Variants in ATG5 observed in about 807,000 individuals in gnomAD.
ATG5 encodes autophagy protein 5.
ATG5 carries 14 observed loss-of-function variants against 36.5 expected under a neutral mutation model. The ratio of observed to expected loss-of-function variants is 0.38; its 90% confidence interval spans 0.25 to 0.60. ATG5 has a LOEUF of 0.60. Among genes scored for constraint, ATG5 ranks in the 20% least tolerant of loss-of-function variants. The pLI, the probability that ATG5 is intolerant of heterozygous loss-of-function variation, is 0.60. For missense variants in ATG5, 195 were observed against 326.7 expected (o/e 0.60, Z 3.11); for synonymous variants, 95 against 101.5 (o/e 0.94, Z 0.38).
At position 106,267,231 on chromosome 6, in the gene ATG5, C is replaced by T. The variant is rs539925382; in HGVS notation, c.478+12430G>A. ...AGCAGAGAGTCAAATCATGAGTGAA[C>T]TCCCATTCACAATTGCTACAAAGAC... On this transcript the variant is annotated intron_variant, in intron 5 of 7. Transcript: ENST00000369076. 2.3e-3 allele frequency among the ~76,000 whole-genome samples: 343 copies of T among 152,278 alleles called. 2 individuals carry two copies. Among genetic ancestry groups the T allele is most frequent in the Non-Finnish European group, 2.9e-3 (194 of 68,024 alleles).
intron 5 of ATG5, among the ~76,000 whole-genome samples, chr6:106,256,895 CTT>C (rs1778822494): frequency 6.6e-6 from 1 of 152,126 alleles, no homozygotes; most frequent in Non-Finnish European, 1.5e-5. Flanking sequence ...TAAAAATTAA[CTT>C]AAGCTTACTA....
intron 1 of ATG5, among the ~76,000 whole-genome samples, chr6:106,321,654 G>A (rs1771079218): frequency 6.6e-6 from 1 of 152,168 alleles, no homozygotes; most frequent in African/African-American, 2.4e-5. Context: ...CACCGCGCCT[G>A]GCCAACTCTT....
intron 6 of ATG5, among the ~76,000 whole-genome samples, chr6:106,244,276 G>A (rs1056666522): frequency 6.6e-6 from 1 of 152,098 alleles, no homozygotes; most frequent in African/African-American, 2.4e-5. Flanking sequence ...GTAGAACAAA[G>A]TAGATGACTG....
intron 3 of ATG5, among the ~76,000 whole-genome samples, chr6:106,293,916 A>G (rs1334749975): frequency 1.3e-5 from 2 of 152,030 alleles, no homozygotes; most frequent in Non-Finnish European, 2.9e-5. Flanking sequence ...ATACAGGTTG[A>G]GTATCCCATT....
intron 3 of ATG5, among the ~76,000 whole-genome samples, chr6:106,298,965 T>C (rs969220058): frequency 4.6e-5 from 7 of 152,204 alleles, no homozygotes; most frequent in Non-Finnish European, 1.0e-4. Context: ...AGATATTATA[T>C]ACAGTTTTGT....
chr6:106,234,336 T>TC (rs932103236), intron 6 of ATG5, among the ~76,000 whole-genome samples: 7 of 152,042 alleles, frequency 4.6e-5, no homozygotes, highest in Non-Finnish European at 1.0e-4. Flanking sequence ...TGGATGTGCC[T>TC]CCCCCTGTAT....
chr6:106,265,153 C>A (rs1311496232), intron 5 of ATG5, among the ~76,000 whole-genome samples: 2 of 122,476 alleles, frequency 1.6e-5, no homozygotes, highest in Non-Finnish European at 1.7e-5. Context: ...GAATATTTAC[C>A]AAGCAAATGG....
intron 4 of ATG5, among the ~76,000 whole-genome samples, chr6:106,290,258 TATTTA>T (rs1309502801): frequency 4.2e-5 from 6 of 142,128 alleles, no homozygotes; most frequent in African/African-American, 1.3e-4. Flanking sequence ...TATTTTATTT[TATTTA>T]TTTTATTTTA....
rs1368055515 is a variant in ATG5 at position 106,222,567 on chromosome 6, A to C, written c.574-20478T>G. Among the ~76,000 whole-genome samples the C allele has an allele frequency of 3.9e-5, 6 of 152,262 alleles. No individual in the cohort carries two copies. The East Asian group carries it at 1.2e-3, about 29-fold the overall frequency. On this transcript the variant is annotated intron_variant, in intron 6 of 7. Coordinates refer to ENST00000369076, the MANE Select transcript of ATG5 (RefSeq NM_004849.4). ...AGTAAGCAACCGAAAAGGAAGAGTAATAAGAAGCCTGATGTGTGTGAAAAC... is the reference window on the plus strand; with the variant it reads ...AGTAAGCAACCGAAAAGGAAGAGTACTAAGAAGCCTGATGTGTGTGAAAAC...
intron 7 of ATG5, among the ~76,000 whole-genome samples, chr6:106,191,192 A>T (rs889749646): frequency 1.3e-5 from 2 of 152,182 alleles, no homozygotes; most frequent in Admixed American, 1.3e-4. Flanking sequence ...TCTGGGGTAA[A>T]GTCTTTTTTT....
chr6:106,299,241 G>T (rs754915896), intron 3 of ATG5, among the ~76,000 whole-genome samples: 1 of 151,988 alleles, frequency 6.6e-6, no homozygotes, highest in Non-Finnish European at 1.5e-5. Flanking sequence ...ACATTCTCCC[G>T]TATACTTTAA....
chr6:106,249,905 G>T (rs1333754799), intron 5 of ATG5, among the ~76,000 whole-genome samples: 1 of 152,162 alleles, frequency 6.6e-6, no homozygotes, highest in Admixed American at 6.5e-5. Flanking sequence ...GTGCATCTTT[G>T]CAGAAATGCC....
At chr6:106,314,512 G>A (rs531355279) in intron 2 of ATG5, among the ~76,000 whole-genome samples, 1 of 152,208 alleles carries the variant, frequency 6.6e-6, no homozygotes, top group Admixed American at 6.5e-5. Flanking sequence ...AGCCGAGATG[G>A]CACTACTGCC....
intron 6 of ATG5, among the ~76,000 whole-genome samples, chr6:106,220,928 C>G (rs1405793472): frequency 6.6e-6 from 1 of 152,158 alleles, no homozygotes; most frequent in Admixed American, 6.5e-5. Context: ...GTAAAATGCA[C>G]TAATGACATA....
At chr6:106,248,010 C>T in intron 6 of ATG5, 140 bp downstream of exon 6, 1 of 579,114 alleles carries the variant, frequency 1.7e-6, no homozygotes, top group Non-Finnish European at 3.0e-6. Flanking sequence ...GACTTGATTG[C>T]CACTGAAAGA....
chr6:106,231,617 C>T (rs965313468), intron 6 of ATG5, among the ~76,000 whole-genome samples: 26 of 152,140 alleles, frequency 1.7e-4, no homozygotes, highest in African/African-American at 4.8e-4. Context: ...GAGTGACTAA[C>T]GGAGGCATTG....
rs142937624 is a variant in ATG5 at position 106,229,823 on chromosome 6, A to G, written c.573+18327T>C. The stretch of plus-strand genomic sequence containing the variant: ...TGCTTTGCTAACAGAAAAAAGTAGA[A>G]AAGTAACTTTTAGAGGAAACCTCAT... On this transcript the variant is annotated intron_variant, in intron 6 of 7. Transcript: ENST00000369076. Among the ~76,000 whole-genome samples, 835 of 152,366 alleles carry G rather than the reference A, an allele frequency of 5.5e-3. 5 individuals are homozygous for G. The highest frequency in any genetic ancestry group is 0.019 in the African/African-American group (792 of 41,590).
At chr6:106,283,579 T>C (rs1779963191) in intron 4 of ATG5, 1 of 152,118 alleles carries the variant, frequency 6.6e-6, no homozygotes, top group Admixed American at 6.5e-5. Flanking sequence ...GAGGTCACCG[T>C]ATTGATGCTG....
At chr6:106,254,245 C>T (rs142579467) in intron 5 of ATG5, among the ~76,000 whole-genome samples, 3 of 152,320 alleles carry the variant, frequency 2.0e-5, no homozygotes, top group Admixed American at 1.3e-4. Flanking sequence ...GACAGTCCCA[C>T]TTTCCAATCA....
Sources: allele counts gnomAD v4.1 joint callset (sites outside exome capture counted in the v4.1 genomes callset), GRCh38; gene constraint gnomAD v4.1.1; transcripts MANE v1.5; gene names NCBI Gene and HGNC (gene_info 2026-07-23, HGNC 2026-07-21).